The following ORC3 variants were observed in gnomAD, a reference collection of about 807,000 sequenced individuals.
ORC3 encodes homolog of latheo, Drosophila.
Under a neutral mutation model 100.7 loss-of-function variants are expected in ORC3, and 78 were observed. The ratio of observed to expected loss-of-function variants is 0.77; its 90% confidence interval spans 0.65 to 0.94. The LOEUF (loss-of-function observed/expected upper bound fraction) is 0.94, where lower values mean the gene tolerates loss of function less well. Ranked by LOEUF, ORC3 falls within the 40% of genes least tolerant of loss-of-function variation. ORC3 has a pLI of 0.00. For missense variants in ORC3, 789 were observed against 823.9 expected, an observed-to-expected ratio of 0.96 and a Z score of 0.52; for synonymous variants, 295 against 289.3, an observed-to-expected ratio of 1.02 and a Z score of -0.20.
At chr6:87,636,690 T>C (rs1480586893) in intron 13 of ORC3, among the ~76,000 whole-genome samples, 1 of 152,242 alleles carries the variant, frequency 6.6e-6, no homozygotes, top group Admixed American at 6.5e-5. Context: ...TGGTTTAACC[T>C]TGCATTTGAG....
intron 2 of ORC3, among the ~76,000 whole-genome samples, chr6:87,600,914 A>G (rs1308421753): frequency 2.6e-5 from 4 of 152,230 alleles, no homozygotes; most frequent in African/African-American, 9.6e-5. Flanking sequence ...TATAAAGTGT[A>G]TTCCTTAATG....
intron 10 of ORC3, 106 bp downstream of exon 10, chr6:87,621,593 A>G: frequency 1.3e-6 from 1 of 764,262 alleles, no homozygotes; most frequent in East Asian, 3.2e-5. Context: ...ATAGTAACCT[A>G]TTCTGTTTTT....
intron 4 of ORC3, among the ~76,000 whole-genome samples, chr6:87,604,669 C>G (rs1464765847): frequency 6.6e-6 from 1 of 152,102 alleles, no homozygotes. Flanking sequence ...TAATAAATAG[C>G]TTATAGCCAG....
At chr6:87,633,261 T>G (rs906894337) in intron 11 of ORC3, among the ~76,000 whole-genome samples, 4 of 152,226 alleles carry the variant, frequency 2.6e-5, no homozygotes, top group African/African-American at 7.2e-5. Flanking sequence ...TCAAGGTAAT[T>G]AATGGCTTTA....
intron 16 of ORC3, among the ~76,000 whole-genome samples, chr6:87,658,333 T>G (rs1176782948): frequency 6.6e-6 from 1 of 151,992 alleles, no homozygotes; most frequent in Non-Finnish European, 1.5e-5. Flanking sequence ...GGTGGGCACC[T>G]GTAGTCCCAG....
intron 11 of ORC3, among the ~76,000 whole-genome samples, chr6:87,634,060 G>T (rs1313116103): frequency 6.6e-5 from 10 of 152,008 alleles, no homozygotes; most frequent in Admixed American, 5.2e-4. Flanking sequence ...TGCTCACCCA[G>T]GTCTTAAACT....
chr6:87,670,721 T>C (rs1475922391), downstream of ORC3, among the ~76,000 whole-genome samples: 1 of 152,168 alleles, frequency 6.6e-6, no homozygotes, highest in African/African-American at 2.4e-5. Context: ...GTGAAATACA[T>C]TCAAAAAGTA....
chr6:87,674,345 GGTCA>G, the ORC3 span, among the ~76,000 whole-genome samples: 2 of 148,148 alleles, frequency 1.3e-5, no homozygotes, highest in African/African-American at 2.5e-5. Context: ...CTTCTAACTT[GGTCA>G]GTTATAAATG....
chr6:87,612,379 C>T (rs543845572), intron 8 of ORC3, 131 bp downstream of exon 8: 1 of 486,202 alleles, frequency 2.1e-6, no homozygotes, highest in Non-Finnish European at 3.4e-6. Context: ...CCTTCACATA[C>T]TTTAATATTT....
chr6:87,627,261 A>G (rs374618353), intron 11 of ORC3, among the ~76,000 whole-genome samples: 1 of 147,062 alleles, frequency 6.8e-6, no homozygotes, highest in African/African-American at 2.5e-5. Flanking sequence ...GGCCCCGCAA[A>G]GTGCTGGGAT....
chr6:87,612,513 T>G (rs1445663014), intron 8 of ORC3, among the ~76,000 whole-genome samples: 1 of 152,254 alleles, frequency 6.6e-6, no homozygotes, highest in African/African-American at 2.4e-5. Context: ...TCTCTTTATA[T>G]CTTTACTCAA....
chr6:87,610,934 CTTTTTT>C (rs67349945), intron 7 of ORC3, among the ~76,000 whole-genome samples: 3 of 106,788 alleles, frequency 2.8e-5, no homozygotes, highest in African/African-American at 7.3e-5. Flanking sequence ...TAGGACTTTT[CTTTTTT>C]TTTTTTTTTT....
chr6:87,607,856 A>G (rs1219882951), intron 6 of ORC3, 32 bp downstream of exon 6: 16 of 1,529,016 alleles, frequency 1.0e-5, no homozygotes, highest in Non-Finnish European at 1.4e-5. Flanking sequence ...TCTCCCAGGA[A>G]ATTGACGTAT....
chr6:87,676,339 G>A, the ORC3 span, among the ~76,000 whole-genome samples: 6 of 146,612 alleles, frequency 4.1e-5, no homozygotes, highest in East Asian at 2.0e-4. Context: ...GTGGCAGGCC[G>A]CCTGTAGTCC....
intron 12 of ORC3, among the ~76,000 whole-genome samples, chr6:87,635,196 A>G (rs563583311): frequency 1.3e-5 from 2 of 152,226 alleles, no homozygotes; most frequent in East Asian, 3.9e-4. Context: ...TTCCCCTACA[A>G]TGTTTTTGTA....
chr6:87,613,630 A>G (rs1778941845), intron 8 of ORC3, among the ~76,000 whole-genome samples: 1 of 152,238 alleles, frequency 6.6e-6, no homozygotes, highest in South Asian at 2.1e-4. Context: ...CTTCCTAGAT[A>G]CAATGGGGGT....
intron 11 of ORC3, among the ~76,000 whole-genome samples, chr6:87,627,688 G>A (rs1780027251): frequency 6.6e-6 from 1 of 151,950 alleles, no homozygotes; most frequent in Admixed American, 6.6e-5. Flanking sequence ...ATACTCTTAT[G>A]TTATATAGTT....
chr6:87,611,202 G>A (rs1417469789), intron 7 of ORC3, among the ~76,000 whole-genome samples: 1 of 151,962 alleles, frequency 6.6e-6, no homozygotes, highest in Non-Finnish European at 1.5e-5. Flanking sequence ...CTCCCAACGT[G>A]CTGGGATTAC....
intron 9 of ORC3, among the ~76,000 whole-genome samples, chr6:87,617,229 CTG>C (rs987745556): frequency 1.3e-5 from 2 of 151,872 alleles, no homozygotes; most frequent in Admixed American, 1.3e-4. Flanking sequence ...GTGTGTGTCT[CTG>C]TAATTTGTAT....
Sources: allele counts gnomAD v4.1 joint callset (sites outside exome capture counted in the v4.1 genomes callset), GRCh38; gene constraint gnomAD v4.1.1; transcripts MANE v1.5; gene names NCBI Gene and HGNC (gene_info 2026-07-23, HGNC 2026-07-21).